Variants in DEPDC5 observed in about 807,000 individuals in gnomAD.
DEPDC5 encodes the protein GATOR1 complex protein DEPDC5.
A neutral mutation model predicts 217.3 loss-of-function variants in DEPDC5; 73 were observed. The observed-to-expected ratio is 0.34, with a 90% CI of 0.28 to 0.41. DEPDC5 has a LOEUF of 0.41. DEPDC5 is among the 10% of genes least tolerant of loss of function. The pLI is 1.00. For missense variants in DEPDC5, 1,675 were observed against 2,070.1 expected, an observed-to-expected ratio of 0.81 and a Z score of 3.70; for synonymous variants, 733 against 756.7, an observed-to-expected ratio of 0.97 and a Z score of 0.51.
intron 24 of DEPDC5, among the ~76,000 whole-genome samples, chr22:31,827,388 A>G (rs945263406): frequency 6.6e-6 from 1 of 152,214 alleles, no homozygotes; most frequent in Non-Finnish European, 1.5e-5. Context: ...AAAACCAATT[A>G]ATGTCAGATC....
At chr22:31,853,852 C>G (rs1050157706) in intron 31 of DEPDC5, among the ~76,000 whole-genome samples, 1 of 152,200 alleles carries the variant, frequency 6.6e-6, no homozygotes, top group African/African-American at 2.4e-5. Context: ...GATGGACATT[C>G]ATGTTCTGTC....
chr22:31,886,755 C>CA (rs1224610835), intron 38 of DEPDC5, among the ~76,000 whole-genome samples: 581 of 51,878 alleles, frequency 0.011, 5 homozygotes, highest in East Asian at 0.072. Flanking sequence ...GTCTCCATCT[C>CA]AAAAAAAAAA....
chr22:31,843,967 T>A (rs2091557309), intron 29 of DEPDC5, among the ~76,000 whole-genome samples, 155 bp downstream of exon 29: 1 of 152,090 alleles, frequency 6.6e-6, no homozygotes, highest in Non-Finnish European at 1.5e-5. Context: ...GGCTCATGCC[T>A]GTAATCCCAG....
intron 36 of DEPDC5, chr22:31,875,551 T>C (rs1347161718): frequency 6.6e-6 from 1 of 152,022 alleles, no homozygotes; most frequent in Non-Finnish European, 1.5e-5. Flanking sequence ...AAGGAGATTT[T>C]TTTTTAATAA....
chr22:31,811,055 G>A (rs528728837), intron 20 of DEPDC5, among the ~76,000 whole-genome samples: 7 of 152,092 alleles, frequency 4.6e-5, no homozygotes, highest in African/African-American at 1.2e-4. Context: ...GATTAGAGGC[G>A]TGAGCCACTG....
Position 31,792,802 on chromosome 22 carries a change from A to C in DEPDC5, c.752A>C (p.Tyr251Ser), listed in dbSNP as rs1064796158. 1 of 1,539,636 alleles carries C rather than the reference A, an allele frequency of 6.5e-7. No individual in the cohort carries two copies. The highest frequency in any genetic ancestry group is 1.3e-5 in the South Asian group (1 of 77,016). Residue 251 changes from tyrosine (Y) to serine (S), a missense_variant, in exon 12 of 43, where the codon TAT becomes TCT. By Grantham distance (144) the Tyr-to-Ser change is moderately radical. Coordinates refer to ENST00000651528, the MANE Select transcript of DEPDC5 (RefSeq NM_001242896.3). The stretch of plus-strand genomic sequence containing the variant: ...CGACAGGATCACAAGGGGAGATTCT[A>C]TGAAGACTTTTACAAGTATGTTTGG... ...SIRQDHKGRFYEDFYKVVVQN... is the reference protein window; with the variant it reads ...SIRQDHKGRFSEDFYKVVVQN...
intron 17 of DEPDC5, 104 bp downstream of exon 17, chr22:31,805,019 G>C: frequency 8.7e-7 from 1 of 1,146,100 alleles, no homozygotes; most frequent in Non-Finnish European, 1.3e-6. Context: ...TAAACCTTTT[G>C]TTAAGAAAAT....
At chr22:31,758,690 C>A in intron 3 of DEPDC5, 57 bp downstream of exon 3, 1 of 1,485,822 alleles carries the variant, frequency 6.7e-7, no homozygotes, top group Non-Finnish European at 9.4e-7. Flanking sequence ...AAATGATGTC[C>A]AAGGCAGATA....
chr22:31,895,381 A>T (rs543210037), intron 39 of DEPDC5, among the ~76,000 whole-genome samples: 3 of 152,176 alleles, frequency 2.0e-5, no homozygotes, highest in African/African-American at 7.2e-5. Context: ...TGCATCTGTA[A>T]TCAGGCCATT....
At chr22:31,834,666 G>A (rs149579889) in intron 25 of DEPDC5, among the ~76,000 whole-genome samples, 11,143 of 151,942 alleles carry the variant, frequency 0.073, 564 homozygotes, top group Non-Finnish European at 0.11. Context: ...ATAGGCGCGC[G>A]CCACCACGCC....
At chr22:31,867,809 T>C (rs1382792255) in intron 33 of DEPDC5, among the ~76,000 whole-genome samples, 2 of 152,086 alleles carry the variant, frequency 1.3e-5, no homozygotes, top group African/African-American at 2.4e-5. Flanking sequence ...CCCACCAAAA[T>C]AGGACTGCAG....
intron 23 of DEPDC5, among the ~76,000 whole-genome samples, chr22:31,821,905 G>A (rs1569014292): frequency 6.6e-6 from 1 of 152,116 alleles, no homozygotes; most frequent in Admixed American, 6.5e-5. Context: ...CTCAAACGTG[G>A]GTTTTTCTAA....
At chr22:31,875,547 A>T (rs1361737645) in intron 36 of DEPDC5, 1 of 150,042 alleles carries the variant, frequency 6.7e-6, no homozygotes, top group Non-Finnish European at 1.5e-5. Context: ...GTCTAAGGAG[A>T]TTTTTTTTTA....
At chr22:31,784,668 C>T in intron 9 of DEPDC5, 146 bp from the exon 10 acceptor site, 1 of 639,824 alleles carries the variant, frequency 1.6e-6, no homozygotes, top group East Asian at 2.9e-5. Context: ...TTTTGGTCCC[C>T]TTTCTTATAG....
chr22:31,882,855 T>A (rs1030191228), intron 38 of DEPDC5, among the ~76,000 whole-genome samples: 1 of 152,014 alleles, frequency 6.6e-6, no homozygotes, highest in Admixed American at 6.6e-5. Flanking sequence ...AACTCCTGGG[T>A]GCAAGGAATC....
At chr22:31,755,093 A>C (rs2075207858) in intron 2 of DEPDC5, 114 bp downstream of exon 2, 5 of 1,214,616 alleles carry the variant, frequency 4.1e-6, no homozygotes, top group Non-Finnish European at 6.0e-6. Flanking sequence ...CAGGCGACTA[A>C]ACAGACTAAA....
chr22:31,795,752 C>T (rs558662601), intron 12 of DEPDC5, among the ~76,000 whole-genome samples: 5 of 142,832 alleles, frequency 3.5e-5, no homozygotes, highest in Admixed American at 7.1e-5. Flanking sequence ...TTTTTTGAGT[C>T]GGAGTTTCGC....
At chr22:31,809,911 G>A (rs1002820176) in intron 19 of DEPDC5, among the ~76,000 whole-genome samples, 2 of 152,194 alleles carry the variant, frequency 1.3e-5, no homozygotes, top group Non-Finnish European at 2.9e-5. Flanking sequence ...GAACCCGGGA[G>A]GCAGAGGTTG....
intron 10 of DEPDC5, among the ~76,000 whole-genome samples, chr22:31,788,935 G>T (rs1360914487): frequency 5.9e-5 from 9 of 152,106 alleles, no homozygotes; most frequent in African/African-American, 2.2e-4. Context: ...CTGTCGCCCA[G>T]ACTGGAGTGC....
Sources: allele counts gnomAD v4.1 joint callset (sites outside exome capture counted in the v4.1 genomes callset), GRCh38; gene constraint gnomAD v4.1.1; transcripts MANE v1.5; gene names NCBI Gene and HGNC (gene_info 2026-07-23, HGNC 2026-07-21).